SSBP2: variants seen among roughly 807,000 people sequenced by gnomAD.
SSBP2 encodes single stranded DNA binding protein 2, also known as single-stranded DNA-binding protein 2.
SSBP2 carries 17 observed loss-of-function variants against 61.8 expected under a neutral mutation model. The observed-to-expected ratio is 0.28, with a 90% CI of 0.19 to 0.41. The LOEUF (loss-of-function observed/expected upper bound fraction) is 0.41. SSBP2 is among the 10% of genes least tolerant of loss of function. The pLI, the probability that SSBP2 is intolerant of heterozygous loss-of-function variation, is 1.00. For missense variants in SSBP2, 310 were observed against 458.7 expected (o/e 0.68, Z 2.96); for synonymous variants, 139 against 141.3 (o/e 0.98, Z 0.12).
At chr5:81,442,879 A>G (rs570149863) in intron 12 of SSBP2, 156 bp from the exon 13 acceptor site, 1 of 407,344 alleles carries the variant, frequency 2.5e-6, no homozygotes, top group Non-Finnish European at 4.4e-6. Flanking sequence ...ACCCACAGTC[A>G]TTTTCTGACC....
intron 1 of SSBP2, among the ~76,000 whole-genome samples, chr5:81,731,437 AAAAATATCTTTACTTATGCC>A (rs1210531514): frequency 2.0e-5 from 3 of 152,196 alleles, no homozygotes; most frequent in Non-Finnish European, 4.4e-5. Context: ...TATCCTATGG[AAAAATATCTTTACTTATGCC>A]AAGTAAGAGA....
intron 4 of SSBP2, among the ~76,000 whole-genome samples, chr5:81,543,098 G>A (rs973239849): frequency 1.1e-4 from 16 of 151,984 alleles, no homozygotes; most frequent in South Asian, 4.2e-4. Flanking sequence ...CAGGTAATCC[G>A]CCTGCTTCGG....
chr5:81,716,435 C>T (rs959035179), intron 1 of SSBP2, among the ~76,000 whole-genome samples: 1 of 152,132 alleles, frequency 6.6e-6, no homozygotes, highest in Non-Finnish European at 1.5e-5. Flanking sequence ...TGCATGCTTA[C>T]ATAATTTGCA....
At chr5:81,724,165 T>G (rs907677792) in intron 1 of SSBP2, among the ~76,000 whole-genome samples, 1 of 152,042 alleles carries the variant, frequency 6.6e-6, no homozygotes, top group Non-Finnish European at 1.5e-5. Flanking sequence ...AGAGTAAGTG[T>G]GTTGAGGTAT....
chr5:81,475,701 C>A (rs910635773), intron 6 of SSBP2, among the ~76,000 whole-genome samples: 1 of 151,974 alleles, frequency 6.6e-6, no homozygotes, highest in African/African-American at 2.4e-5. Flanking sequence ...GAAAAAAAAT[C>A]TCTCCTCTCA....
intron 4 of SSBP2, among the ~76,000 whole-genome samples, chr5:81,577,012 C>A (rs1278307477): frequency 6.6e-6 from 1 of 151,930 alleles, no homozygotes; most frequent in African/African-American, 2.4e-5. Context: ...GGAAGGCAAG[C>A]AAACTTATTA....
chr5:81,444,010 A>C (rs186647616), intron 12 of SSBP2, among the ~76,000 whole-genome samples: 31 of 152,334 alleles, frequency 2.0e-4, no homozygotes, highest in Admixed American at 5.9e-4. Context: ...GACATTAATA[A>C]GTTTATTATT....
chr5:81,599,716 A>C (rs1744152257), intron 4 of SSBP2, among the ~76,000 whole-genome samples: 1 of 152,226 alleles, frequency 6.6e-6, no homozygotes, highest in Non-Finnish European at 1.5e-5. Context: ...CTTTTTCAAT[A>C]ATCATTAAAT....
chr5:81,633,472 G>T (rs778290459), intron 3 of SSBP2, among the ~76,000 whole-genome samples: 1 of 151,896 alleles, frequency 6.6e-6, no homozygotes, highest in Non-Finnish European at 1.5e-5. Context: ...TGTTAATATT[G>T]CAAGGTTTCT....
chr5:81,542,155 C>T (rs1771323790), intron 4 of SSBP2, among the ~76,000 whole-genome samples: 1 of 152,128 alleles, frequency 6.6e-6, no homozygotes, highest in South Asian at 2.1e-4. Flanking sequence ...CCAACAAACA[C>T]ATGAAAAAAT....
chr5:81,677,117 C>T (rs887279735), intron 1 of SSBP2, among the ~76,000 whole-genome samples: 2 of 151,988 alleles, frequency 1.3e-5, no homozygotes, highest in Non-Finnish European at 2.9e-5. Flanking sequence ...TCTCCTTTTC[C>T]CCCAAATTTC....
intron 8 of SSBP2, among the ~76,000 whole-genome samples, chr5:81,467,531 G>A (rs1764971728): frequency 6.6e-6 from 1 of 151,842 alleles, no homozygotes; most frequent in Non-Finnish European, 1.5e-5. Flanking sequence ...ACACAGAAAT[G>A]CATTAATATA....
intron 1 of SSBP2, among the ~76,000 whole-genome samples, chr5:81,695,854 C>T (rs1325215756): frequency 6.6e-6 from 1 of 151,898 alleles, no homozygotes; most frequent in Non-Finnish European, 1.5e-5. Flanking sequence ...ATTTTAAATT[C>T]TGCTTAATAA....
rs1755469537 is a variant in SSBP2 at position 81,720,483 on chromosome 5, A to G, written c.62+30498T>C. ...TCAGAACACTAAAGCTTCAGGTGCT[A>G]AAACAGCATATAGGCTAAGCTTTTC... is the stretch of plus-strand genomic sequence containing the variant. On this transcript the variant is annotated intron_variant, in intron 1 of 16. Transcript: ENST00000320672. Among the ~76,000 whole-genome samples, 10 of 152,338 alleles carry G rather than the reference A, an allele frequency of 6.6e-5. No individual in the cohort carries two copies. The South Asian group carries it at 2.1e-3, about 32-fold the overall frequency.
At chr5:81,585,709 A>G (rs1775007669) in intron 4 of SSBP2, among the ~76,000 whole-genome samples, 5 of 152,162 alleles carry the variant, frequency 3.3e-5, no homozygotes, top group Admixed American at 3.3e-4. Flanking sequence ...TTTCAAGTAT[A>G]CATTATTATT....
chr5:81,541,651 G>C (rs1250881352), intron 4 of SSBP2, among the ~76,000 whole-genome samples: 1 of 152,142 alleles, frequency 6.6e-6, no homozygotes, highest in Non-Finnish European at 1.5e-5. Context: ...TGACAAAGTA[G>C]ACAAAAATAC....
intron 4 of SSBP2, among the ~76,000 whole-genome samples, chr5:81,550,658 A>G (rs1772104191): frequency 3.9e-5 from 6 of 152,224 alleles, no homozygotes; most frequent in Admixed American, 3.9e-4. Flanking sequence ...CAACATGTCA[A>G]CAACTCTCTA....
rs374557741 is a variant in SSBP2, at chr5:81,474,251, GAATT to G, written c.499+241_499+244del. On this transcript the variant is annotated intron_variant, in intron 7 of 16. Coordinates refer to ENST00000320672, the MANE Select transcript of SSBP2 (RefSeq NM_012446.5). ...GTTAGATGTTATATAAAAGGTTTTA[GAATT>G]ATTAATTAAAATATGGATTTTTGGA... Among the ~76,000 whole-genome samples, 731 of 152,204 alleles carry G rather than the reference GAATT, an allele frequency of 4.8e-3. 6 individuals carry two copies. Among genetic ancestry groups the G allele is most frequent in the African/African-American group, 0.017 (705 of 41,540 alleles).
chr5:81,437,550 T>A (rs1762750468), intron 14 of SSBP2, 92 bp from the exon 15 acceptor site: 1 of 1,188,378 alleles, frequency 8.4e-7, no homozygotes. Flanking sequence ...AAGTATACTA[T>A]ATGTATTTTC....
Sources: gnomAD v4.1 joint callset for allele counts (sites outside exome capture counted in the v4.1 genomes callset) on GRCh38, gnomAD v4.1.1 for gene constraint, MANE v1.5 for transcripts, NCBI Gene and HGNC (gene_info 2026-07-23, HGNC 2026-07-21) for gene names.